Variants in PALM2AKAP2 observed in about 807,000 individuals in gnomAD.
PALM2AKAP2 encodes PALM2 and AKAP2 fusion.
PALM2AKAP2 carries 37 observed loss-of-function variants against 71.5 expected under a neutral mutation model. The ratio of observed to expected loss-of-function variants is 0.52; its 90% CI spans 0.40 to 0.68. The LOEUF (loss-of-function observed/expected upper bound fraction) is 0.68, where lower values mean the gene tolerates loss of function less well. Among genes scored for constraint, PALM2AKAP2 ranks in the 30% least tolerant of loss-of-function variants. PALM2AKAP2 has a pLI of 0.00. For synonymous variants in PALM2AKAP2, 468 were observed against 478.8 expected, an observed-to-expected ratio of 0.98 and a Z score of 0.29; for missense variants, 1,224 against 1,191.8, an observed-to-expected ratio of 1.03 and a Z score of -0.40.
chr9:109,785,144 G>A (rs556312956), intron 1 of PALM2AKAP2, among the ~76,000 whole-genome samples: 63 of 152,276 alleles, frequency 4.1e-4, no homozygotes, highest in African/African-American at 1.4e-3. Flanking sequence ...ACGTGGACAA[G>A]GCTCAGGCTA....
chr9:109,731,324 C>T (rs994889733), intron 1 of PALM2AKAP2, among the ~76,000 whole-genome samples: 1 of 152,216 alleles, frequency 6.6e-6, no homozygotes, highest in Non-Finnish European at 1.5e-5. Flanking sequence ...TCAAATGATG[C>T]AGTTGTCAAA....
At chr9:110,106,028 A>G (rs377497379) in intron 1 of PALM2AKAP2, among the ~76,000 whole-genome samples, 6 of 152,224 alleles carry the variant, frequency 3.9e-5, no homozygotes, top group African/African-American at 1.4e-4. Context: ...CAAATTCACT[A>G]CTCTGACTTT....
At chr9:109,856,658 T>G (rs2131645716) in intron 1 of PALM2AKAP2, among the ~76,000 whole-genome samples, 1 of 152,366 alleles carries the variant, frequency 6.6e-6, no homozygotes, top group South Asian at 2.1e-4. Context: ...TATTTATGTT[T>G]TGTAATGCTT....
chr9:109,739,656 A>G (rs764329348), intron 1 of PALM2AKAP2, among the ~76,000 whole-genome samples: 7 of 152,234 alleles, frequency 4.6e-5, no homozygotes, highest in African/African-American at 1.7e-4. Context: ...GGCCAGTTCT[A>G]TGATACACCC....
exon 2 of PALM2AKAP2, chr9:110,136,680 A>C: frequency 7.4e-6 from 12 of 1,614,146 alleles, no homozygotes; most frequent in Non-Finnish European, 1.0e-5. Flanking sequence ...GACAGCCTGC[A>C]GGTGCCTGTC....
At chr9:109,644,066 C>T (rs749485452) in intron 1 of PALM2AKAP2, among the ~76,000 whole-genome samples, 4 of 152,070 alleles carry the variant, frequency 2.6e-5, no homozygotes, top group Non-Finnish European at 5.9e-5. Flanking sequence ...GAGTGAACAC[C>T]AAGGCCCCAT....
At chr9:109,873,442 A>AAAAATAAAATAAAATAAAATAAAAT (rs58267168) in intron 2 of PALM2AKAP2, among the ~76,000 whole-genome samples, 3 of 142,970 alleles carry the variant, frequency 2.1e-5, no homozygotes, top group African/African-American at 8.0e-5. Flanking sequence ...TCTCAAATTA[A>AAAAATAAAATAAAATAAAATAAAAT]AAAATAAAAT....
At chr9:109,878,598 T>C (rs1829769073) in intron 2 of PALM2AKAP2, among the ~76,000 whole-genome samples, 1 of 152,196 alleles carries the variant, frequency 6.6e-6, no homozygotes, top group African/African-American at 2.4e-5. Context: ...GAGTCTCTCC[T>C]GGAAGTGCAG....
rs139839820 is a variant in PALM2AKAP2 at position 109,961,973 on chromosome 9, A to G, written c.496+29945A>G. Among the ~76,000 whole-genome samples the G allele has an allele frequency of 1.6e-3, 248 of 152,370 alleles. 1 individual carries two copies. The highest frequency in any genetic ancestry group is 5.9e-3 in the African/African-American group (244 of 41,588). On this transcript the variant is annotated intron_variant, in intron 6 of 9. Coordinates refer to the PALM2AKAP2 transcript ENST00000302798. Reference sequence around the variant, plus strand: ...CCACTTGCTGCTGCCCACACTCATCAGTGGAGGAGAATTCCCTACTAAGTT... The same window carrying G: ...CCACTTGCTGCTGCCCACACTCATCGGTGGAGGAGAATTCCCTACTAAGTT...
At chr9:109,953,996 T>C (rs1300448477) in intron 6 of PALM2AKAP2, among the ~76,000 whole-genome samples, 1 of 152,190 alleles carries the variant, frequency 6.6e-6, no homozygotes, top group African/African-American at 2.4e-5. Flanking sequence ...CTGTTAATTA[T>C]ACCACCCCCT....
chr9:109,673,625 T>G (rs1827607128), intron 1 of PALM2AKAP2, among the ~76,000 whole-genome samples: 5 of 151,978 alleles, frequency 3.3e-5, no homozygotes, highest in Admixed American at 2.6e-4. Context: ...TTTAATCGAG[T>G]GCTGAGTTTG....
chr9:109,967,411 CTTTT>C (rs561453860), intron 6 of PALM2AKAP2, among the ~76,000 whole-genome samples: 1 of 141,992 alleles, frequency 7.0e-6, no homozygotes, highest in Admixed American at 7.1e-5. Flanking sequence ...GACTCCGTGT[CTTTT>C]TTTTTTTTTT....
chr9:110,027,079 G>A (rs906389611), intron 7 of PALM2AKAP2, among the ~76,000 whole-genome samples: 11 of 152,054 alleles, frequency 7.2e-5, no homozygotes, highest in Admixed American at 2.0e-4. Context: ...CAGTAAGATG[G>A]CTACCCCTCA....
At chr9:110,069,333 A>G (rs745431183) in intron 1 of PALM2AKAP2, among the ~76,000 whole-genome samples, 17 of 152,228 alleles carry the variant, frequency 1.1e-4, no homozygotes, top group Non-Finnish European at 2.9e-5. Context: ...ATCTGCAAAA[A>G]GTGTTTTGAA....
chr9:110,043,398 C>A (rs1833539902), intron 7 of PALM2AKAP2, among the ~76,000 whole-genome samples: 1 of 152,182 alleles, frequency 6.6e-6, no homozygotes, highest in African/African-American at 2.4e-5. Flanking sequence ...ATTTTGTAAA[C>A]TTCTGAATTC....
At chr9:109,929,454 C>G (rs1831039738) in intron 5 of PALM2AKAP2, among the ~76,000 whole-genome samples, 1 of 152,124 alleles carries the variant, frequency 6.6e-6, no homozygotes. Flanking sequence ...GCCCCTACCC[C>G]CTCAGGACTA....
At chr9:109,797,650 C>A (rs1827301439) in intron 1 of PALM2AKAP2, among the ~76,000 whole-genome samples, 1 of 152,244 alleles carries the variant, frequency 6.6e-6, no homozygotes, top group African/African-American at 2.4e-5. Flanking sequence ...CCGTTGCACA[C>A]CTTGGCTGTG....
intron 6 of PALM2AKAP2, among the ~76,000 whole-genome samples, chr9:109,985,051 C>T (rs573874685): frequency 6.6e-6 from 1 of 152,192 alleles, no homozygotes; most frequent in East Asian, 1.9e-4. Flanking sequence ...TGGTGCACGC[C>T]TGCAGTCCCA....
intron 1 of PALM2AKAP2, among the ~76,000 whole-genome samples, chr9:109,712,822 G>T (rs1455421181): frequency 2.0e-5 from 3 of 152,206 alleles, no homozygotes; most frequent in African/African-American, 7.2e-5. Flanking sequence ...GGCAGAGAAA[G>T]CTCACTACTT....
Sources: allele counts gnomAD v4.1 joint callset (sites outside exome capture counted in the v4.1 genomes callset), GRCh38; gene constraint gnomAD v4.1.1; transcripts MANE v1.5; gene names NCBI Gene and HGNC (gene_info 2026-07-23, HGNC 2026-07-21).